FBXL17: variants seen among roughly 807,000 people sequenced by gnomAD.
FBXL17 encodes the protein F-box/LRR-repeat protein 17.
FBXL17 carries 22 observed loss-of-function variants against 66.2 expected under a neutral mutation model. That is an observed-to-expected ratio of 0.33 (90% confidence interval 0.24 to 0.47). The LOEUF (loss-of-function observed/expected upper bound fraction) is 0.47, where lower values mean the gene tolerates loss of function less well. Ranked by LOEUF, FBXL17 falls within the 20% of genes least tolerant of loss-of-function variation. The probability of loss-of-function intolerance (pLI) is 1.00; values close to 1 mark genes in which losing one functional copy is unlikely to be tolerated. For synonymous variants in FBXL17, 474 were observed against 400.5 expected (o/e 1.18, Z -2.19); for missense variants, 878 against 948.2 (o/e 0.93, Z 0.97).
chr5:108,024,845 A>AT (rs1003675576), intron 6 of FBXL17, among the ~76,000 whole-genome samples: 10 of 152,106 alleles, frequency 6.6e-5, no homozygotes, highest in East Asian at 3.9e-4. Flanking sequence ...GCTAGATAGG[A>AT]TTTTTTTTCA....
At chr5:108,031,885 G>A (rs1237828949) in intron 6 of FBXL17, among the ~76,000 whole-genome samples, 1 of 152,010 alleles carries the variant, frequency 6.6e-6, no homozygotes, top group Non-Finnish European at 1.5e-5. Flanking sequence ...CTGAAGTTGG[G>A]AACTAAATTC....
intron 4 of FBXL17, among the ~76,000 whole-genome samples, chr5:108,235,279 A>G (rs1755547377): frequency 6.6e-6 from 1 of 152,242 alleles, no homozygotes; most frequent in African/African-American, 2.4e-5. Context: ...TCAGAGCCTG[A>G]AAACATATAC....
At chr5:108,239,656 G>A (rs1474656623) in intron 4 of FBXL17, among the ~76,000 whole-genome samples, 1 of 152,112 alleles carries the variant, frequency 6.6e-6, no homozygotes, top group Non-Finnish European at 1.5e-5. Context: ...TCCTAAGCAA[G>A]TCTTGTGCTG....
intron 4 of FBXL17, among the ~76,000 whole-genome samples, chr5:108,248,387 A>G (rs1756202135): frequency 6.6e-6 from 1 of 152,182 alleles, no homozygotes; most frequent in Non-Finnish European, 1.5e-5. Flanking sequence ...TGAAGATAGA[A>G]TAAAAAGTAC....
At chr5:107,966,958 C>T (rs1044060649) in intron 7 of FBXL17, among the ~76,000 whole-genome samples, 1 of 152,020 alleles carries the variant, frequency 6.6e-6, no homozygotes, top group African/African-American at 2.4e-5. Flanking sequence ...TTTATTCTGT[C>T]ATCATAAAAC....
At chr5:108,097,180 ACT>A (rs760247602) in intron 6 of FBXL17, among the ~76,000 whole-genome samples, 1 of 151,728 alleles carries the variant, frequency 6.6e-6, no homozygotes, top group African/African-American at 2.4e-5. Flanking sequence ...GTGTGTTCAC[ACT>A]CTCTCTCTAC....
At chr5:108,147,744 G>A (rs1292310402) in intron 6 of FBXL17, among the ~76,000 whole-genome samples, 3 of 151,996 alleles carry the variant, frequency 2.0e-5, no homozygotes, top group African/African-American at 4.8e-5. Context: ...ACATCTCAAT[G>A]TCTCATTACA....
intron 3 of FBXL17, among the ~76,000 whole-genome samples, chr5:108,359,659 C>A (rs1316012136): frequency 6.6e-6 from 1 of 152,138 alleles, no homozygotes; most frequent in East Asian, 1.9e-4. Context: ...TTAGGGAAGA[C>A]ACACTGTATG....
At chr5:108,081,098 T>C (rs1480805515) in intron 6 of FBXL17, among the ~76,000 whole-genome samples, 2 of 152,146 alleles carry the variant, frequency 1.3e-5, no homozygotes, top group African/African-American at 4.8e-5. Flanking sequence ...TCAAACTGAC[T>C]CTACACTAGA....
At chr5:108,101,447 T>G (rs1488528298) in intron 6 of FBXL17, among the ~76,000 whole-genome samples, 2 of 152,198 alleles carry the variant, frequency 1.3e-5, no homozygotes. Context: ...AGTATAAACT[T>G]AGTGCTGGGC....
chr5:108,143,704 G>A (rs572382847), intron 6 of FBXL17, among the ~76,000 whole-genome samples: 3 of 126,582 alleles, frequency 2.4e-5, no homozygotes, highest in African/African-American at 9.4e-5. Flanking sequence ...CTTCATACTT[G>A]TGAACTTGCT....
intron 7 of FBXL17, among the ~76,000 whole-genome samples, chr5:107,887,296 C>G (rs534041940): frequency 1.3e-5 from 2 of 152,242 alleles, no homozygotes; most frequent in East Asian, 3.9e-4. Context: ...TTCTAAGTGA[C>G]AACATTTTCA....
chr5:108,289,656 A>G (rs997733529), intron 4 of FBXL17, among the ~76,000 whole-genome samples: 6 of 152,166 alleles, frequency 3.9e-5, no homozygotes, highest in Non-Finnish European at 8.8e-5. Flanking sequence ...AAATGCTGCC[A>G]TGACATGACA....
rs183818671 is a variant in FBXL17 at position 107,935,961 on chromosome 5, T to C, written c.1823-54782A>G. On this transcript the variant is annotated intron_variant, in intron 7 of 8. Coordinates refer to ENST00000542267, the MANE Select transcript of FBXL17 (RefSeq NM_001163315.3). Reference sequence around the variant, plus strand: ...GGAGAATCTGAGTGGGGCTGTAGGGTCAAGTACACAGAAAAACTTAATTGG... The same window carrying C: ...GGAGAATCTGAGTGGGGCTGTAGGGCCAAGTACACAGAAAAACTTAATTGG... Among the ~76,000 whole-genome samples, 16 of 152,230 alleles carry C rather than the reference T, an allele frequency of 1.1e-4. No individual in the cohort carries two copies. In the East Asian group the frequency reaches 3.1e-3, roughly 29 times the overall value.
At chr5:108,134,719 G>A (rs1751069071) in intron 6 of FBXL17, among the ~76,000 whole-genome samples, 1 of 152,188 alleles carries the variant, frequency 6.6e-6, no homozygotes, top group African/African-American at 2.4e-5. Context: ...TGTGTAGTAT[G>A]TGTACTATAT....
At chr5:108,086,832 A>T (rs946473609) in intron 6 of FBXL17, among the ~76,000 whole-genome samples, 1 of 152,124 alleles carries the variant, frequency 6.6e-6, no homozygotes, top group African/African-American at 2.4e-5. Flanking sequence ...AAGTGCTGGG[A>T]TTACAGGTGT....
intron 6 of FBXL17, among the ~76,000 whole-genome samples, chr5:108,050,646 A>T (rs1323832954): frequency 6.6e-6 from 1 of 152,142 alleles, no homozygotes; most frequent in Admixed American, 6.5e-5. Context: ...TAAAAGAGCT[A>T]CAGAGGCAAG....
rs1406891938 is a variant in FBXL17 at position 108,009,306 on chromosome 5, T to TAC, written c.1822+11618_1822+11619insGT. ...ATATATATATATATATATATACATA[T>TAC]ATACATACACATATAGTTTTGCTTT... On this transcript the variant is annotated intron_variant, in intron 7 of 8. Coordinates refer to ENST00000542267, the MANE Select transcript of FBXL17 (RefSeq NM_001163315.3). Among the ~76,000 whole-genome samples the TAC allele has an allele frequency of 4.0e-4, 7 of 17,440 alleles. 1 individual carries two copies. The highest frequency in any genetic ancestry group is 1.5e-3 in the African/African-American group (6 of 3,996). 11.4% of individuals were successfully genotyped at this position (17,440 alleles called of 152,430 possible). A position where few individuals can be genotyped will look rare whatever the true frequency, so the allele number is the denominator to read the frequency against.
At chr5:107,977,321 A>G (rs1752617750) in intron 7 of FBXL17, among the ~76,000 whole-genome samples, 1 of 152,198 alleles carries the variant, frequency 6.6e-6, no homozygotes. Flanking sequence ...CCAAATGATA[A>G]GGAACACACA....
Sources: allele counts gnomAD v4.1 joint callset (sites outside exome capture counted in the v4.1 genomes callset), GRCh38; gene constraint gnomAD v4.1.1; transcripts MANE v1.5; gene names NCBI Gene and HGNC (gene_info 2026-07-23, HGNC 2026-07-21).